The following SLC15A1 variants were observed in gnomAD, a reference collection of about 807,000 sequenced individuals.
The protein encoded by SLC15A1 is Caco-2 oligopeptide transporter.
Under a neutral mutation model 92.9 loss-of-function variants are expected in SLC15A1, and 83 were observed. That is an observed-to-expected ratio of 0.89 (90% confidence interval 0.75 to 1.07). The LOEUF (loss-of-function observed/expected upper bound fraction) is 1.07. Among genes scored for constraint, SLC15A1 ranks in the 50% least tolerant of loss-of-function variants. SLC15A1 has a pLI of 0.00. For missense variants in SLC15A1, 857 were observed against 880.1 expected (o/e 0.97, Z 0.33); for synonymous variants, 322 against 318.2 (o/e 1.01, Z -0.13).
At chr13:98,729,521 AAG>A (rs1009257469) in intron 1 of SLC15A1, among the ~76,000 whole-genome samples, 1 of 152,118 alleles carries the variant, frequency 6.6e-6, no homozygotes, top group African/African-American at 2.4e-5. Context: ...GGCTCTACAT[AAG>A]AGAGTTTTAT....
intron 9 of SLC15A1, among the ~76,000 whole-genome samples, chr13:98,714,298 G>A (rs2088193364): frequency 6.6e-6 from 1 of 152,128 alleles, no homozygotes; most frequent in Non-Finnish European, 1.5e-5. Flanking sequence ...AGCTGTCCTT[G>A]AAGGGATTTT....
At position 98,719,265 on chromosome 13, in the gene SLC15A1, A is replaced by G. The variant is rs777305927; in HGVS notation, c.612T>C (p.Val204=). The change falls in exon 8 of 23, where the codon GTT becomes GTC. Residue 204 remains valine (V), a synonymous_variant. Transcript: ENST00000376503. The part of the protein sequence containing the change: ...KQACYPLAFG[V]PAALMAVALI... ...GGGCTACAGCCATGAGAGCAGCAGG[A>G]ACCCCAAAGGCCAGTGGGTAACAAG... 7 of 1,613,950 alleles carry G rather than the reference A, an allele frequency of 4.3e-6. No homozygotes were observed. The South Asian group carries it at 7.7e-5, about 18-fold the overall frequency.
rs554040423 is a variant in SLC15A1, at chr13:98,704,335, C to A, written c.1370G>T (p.Gly457Val). ...VTAVTDDFKQ[G>V]QRHTLLVWAP... ...CCACACTAGAAGCGTGTGGCGTTGGCCCTGCTTGAAGTCGTCAGTTACAGC... is the reference window on the plus strand; with the variant it reads ...CCACACTAGAAGCGTGTGGCGTTGGACCTGCTTGAAGTCGTCAGTTACAGC... The change falls in exon 17 of 23, where the codon GGC becomes GTC. Residue 457 changes from glycine (G) to valine (V), a missense_variant. By Grantham distance (109) the Gly-to-Val change is moderately radical. Transcript: ENST00000376503. The A allele has an allele frequency of 9.3e-6, 15 of 1,613,800 alleles. No individual in the cohort carries two copies. In the African/African-American group the frequency reaches 1.5e-4, roughly 16 times the overall value.
intron 1 of SLC15A1, among the ~76,000 whole-genome samples, chr13:98,729,867 C>T (rs2088333009): frequency 1.3e-5 from 2 of 152,162 alleles, no homozygotes; most frequent in South Asian, 2.1e-4. Flanking sequence ...TATTTCCACT[C>T]CTGCAGCTCG....
intron 15 of SLC15A1, among the ~76,000 whole-genome samples, chr13:98,707,071 C>G (rs1475829993): frequency 2.6e-5 from 4 of 152,198 alleles, no homozygotes; most frequent in Non-Finnish European, 5.9e-5. Flanking sequence ...TACCTTTGTT[C>G]AGAGTTTTTG....
chr13:98,687,739 C>A lies in SLC15A1; in HGVS notation c.1684-15G>T. 1 of 1,608,138 alleles carries A rather than the reference C, an allele frequency of 6.2e-7. No individual in the cohort carries two copies. Among genetic ancestry groups the A allele is most frequent in the Non-Finnish European group, 8.5e-7 (1 of 1,177,988 alleles). ...CAGCTGTCATTCTGCAGCAGTAAGG[C>A]AAAAGCAGAAGAAGTTGAGATAGCT... is the stretch of plus-strand genomic sequence containing the variant. On this transcript the variant is annotated splice_polypyrimidine_tract_variant and intron_variant, in intron 20 of 22. Transcript: ENST00000376503.
rs543197693 is a variant in SLC15A1, at chr13:98,686,263, C to A, written c.1862G>T (p.Gly621Val). The A allele has an allele frequency of 1.4e-5, 23 of 1,613,192 alleles. No homozygotes were observed. Among genetic ancestry groups the A allele is most frequent in the Non-Finnish European group, 1.9e-5 (22 of 1,179,728 alleles). The stretch of plus-strand genomic sequence containing the variant: ...GCCAACAGCCACGGTCAGCAGCCAT[C>A]CTGCCTGAAGCACCGACTTCATGTT... ...PSNMKSVLQA[G>V]WLLTVAVGNI... The change falls in exon 22 of 23, where the codon GGA becomes GTA. Residue 621 changes from glycine to valine, a missense_variant. Gly to Val is a moderately radical substitution (Grantham distance 109). Transcript: ENST00000376503.
At chr13:98,721,776 T>C (rs577954796) in intron 6 of SLC15A1, 28 bp downstream of exon 6, 1 of 1,598,938 alleles carries the variant, frequency 6.3e-7, no homozygotes, top group Admixed American at 1.7e-5. Flanking sequence ...TTCATTCACG[T>C]GGGCTCTGGG....
At chr13:98,716,347 C>A (rs7983080) in intron 8 of SLC15A1, among the ~76,000 whole-genome samples, 1 of 152,060 alleles carries the variant, frequency 6.6e-6, no homozygotes, top group African/African-American at 2.4e-5. Flanking sequence ...TGGGGCCAGG[C>A]GCGGTGGCTC....
At chr13:98,748,374 T>G (rs1157603880) in intron 1 of SLC15A1, among the ~76,000 whole-genome samples, 1 of 152,188 alleles carries the variant, frequency 6.6e-6, no homozygotes, top group Admixed American at 6.5e-5. Flanking sequence ...CACTGCAACC[T>G]CCACCTCCTG....
At chr13:98,693,079 T>C (rs558175642) in intron 18 of SLC15A1, among the ~76,000 whole-genome samples, 3 of 149,182 alleles carry the variant, frequency 2.0e-5, no homozygotes, top group African/African-American at 7.4e-5. Flanking sequence ...ACACTTGTTA[T>C]TGTCTACGTT....
intron 16 of SLC15A1, among the ~76,000 whole-genome samples, chr13:98,704,967 G>A (rs1259026779): frequency 6.6e-6 from 1 of 152,104 alleles, no homozygotes; most frequent in Non-Finnish European, 1.5e-5. Context: ...GGGAGGCTGA[G>A]GCAGGCCAAT....
chr13:98,691,421 C>T (rs532536671), intron 18 of SLC15A1, among the ~76,000 whole-genome samples: 23 of 152,282 alleles, frequency 1.5e-4, no homozygotes, highest in Admixed American at 5.2e-4. Flanking sequence ...TTTATTTGTA[C>T]GCTTTCTCTA....
chr13:98,701,340 T>C (rs1566445711), intron 18 of SLC15A1, among the ~76,000 whole-genome samples: 1 of 152,196 alleles, frequency 6.6e-6, no homozygotes, highest in East Asian at 1.9e-4. Context: ...CAACTCTTCA[T>C]TGCTAGTACA....
At chr13:98,701,495 A>G (rs2088066593) in intron 18 of SLC15A1, among the ~76,000 whole-genome samples, 1 of 150,898 alleles carries the variant, frequency 6.6e-6, no homozygotes, top group South Asian at 2.1e-4. Flanking sequence ...TTATTTATTT[A>G]TATATATATA....
In SLC15A1 at chr13:98,686,315, AG is replaced by A; in HGVS notation, c.1828-19del. 6.4e-7 allele frequency: 1 copy of A among 1,562,006 alleles called. No individual in the cohort carries two copies. The highest frequency in any genetic ancestry group is 8.8e-7 in the Non-Finnish European group (1 of 1,140,318). Reference sequence around the variant, plus strand: ...GAAGGAGCCTGAGGAAGCAAAGCAAAGTGAGTCCTGCTCCAGGTCTCACCCT... The same window carrying A: ...GAAGGAGCCTGAGGAAGCAAAGCAAATGAGTCCTGCTCCAGGTCTCACCCT... On this transcript the variant is annotated intron_variant, in intron 21 of 22. Coordinates refer to ENST00000376503, the MANE Select transcript of SLC15A1 (RefSeq NM_005073.4).
In SLC15A1 at chr13:98,688,260, T is replaced by C. The variant is rs755489822; in HGVS notation, c.1671A>G (p.Ile557Met). ...YLEFGSAYTY[I>M]VQRKNDSCPE... is the part of the protein sequence containing the mutation. ...ACGAGTTACTAACCTTCCTTTGGAC[T>C]ATATAGGTATAAGCACTACCAAATT... Residue 557 changes from isoleucine (I) to methionine (M), a missense_variant, in exon 20 of 23, where the codon ATA becomes ATG. Ile to Met is a conservative substitution (Grantham distance 10). Coordinates refer to ENST00000376503, the MANE Select transcript of SLC15A1 (RefSeq NM_005073.4). 6 of 1,609,046 alleles carry C rather than the reference T, an allele frequency of 3.7e-6. No individual in the cohort carries two copies. The East Asian group carries it at 1.3e-4, about 36-fold the overall frequency.
intron 8 of SLC15A1, among the ~76,000 whole-genome samples, chr13:98,718,153 G>A (rs997089522): frequency 2.6e-5 from 4 of 152,034 alleles, no homozygotes; most frequent in Middle Eastern, 3.2e-3. Flanking sequence ...AATCAATTAT[G>A]GAAATGTAGA....
At chr13:98,686,358 A>T (rs1462685202) in intron 21 of SLC15A1, 61 bp from the exon 22 acceptor site, 24 of 1,172,016 alleles carry the variant, frequency 2.0e-5, no homozygotes, top group Non-Finnish European at 2.5e-5. Context: ...AGGAGAACAC[A>T]GCTCACCGAT....
Sources: allele counts gnomAD v4.1 joint callset (sites outside exome capture counted in the v4.1 genomes callset), GRCh38; gene constraint gnomAD v4.1.1; transcripts MANE v1.5; gene names NCBI Gene and HGNC (gene_info 2026-07-23, HGNC 2026-07-21).